The following ACER2 variants were observed in gnomAD, a reference collection of about 807,000 sequenced individuals.
ACER2 encodes the protein alkaline ceramidase 2, also known as alkCDase 2.
A neutral mutation model predicts 34.7 loss-of-function variants in ACER2; 26 were observed. The observed-to-expected ratio is 0.75, with a 90% confidence interval of 0.55 to 1.04. The LOEUF is 1.04. ACER2 is among the 50% of genes least tolerant of loss of function. ACER2 has a pLI of 0.00. For synonymous variants in ACER2, 138 were observed against 132.1 expected (o/e 1.04, Z -0.31); for missense variants, 352 against 340.8 (o/e 1.03, Z -0.26).
Position 19,435,070 on chromosome 9 carries a change from C to G in ACER2, c.489C>G (p.Ile163Met), listed in dbSNP as rs141700425. 3.7e-6 allele frequency: 6 copies of G among 1,614,128 alleles called. No individual in the cohort carries two copies. Among genetic ancestry groups the G allele is most frequent in the East Asian group, 2.2e-5 (1 of 44,882 alleles). Residue 163 changes from isoleucine (I) to methionine (M), a missense_variant, in exon 4 of 6, where the codon ATC becomes ATG. Ile to Met is a conservative substitution (Grantham distance 10). Coordinates refer to ENST00000340967, the MANE Select transcript of ACER2 (RefSeq NM_001010887.3). ...TLGVPCTALL[I>M]AELKRCDNMR... ...GAGTTCCTTGCACTGCACTGCTCAT[C>G]GCAGAGCTAAAGAGGTAGGTGCCAT...
At chr9:19,419,119 A>T (rs936651811) in intron 1 of ACER2, among the ~76,000 whole-genome samples, 7 of 151,938 alleles carry the variant, frequency 4.6e-5, no homozygotes, top group Non-Finnish European at 1.0e-4. Flanking sequence ...TGAACCCAGG[A>T]GGCGGAGGTT....
chr9:19,440,798 T>G (rs1326709996), intron 4 of ACER2, among the ~76,000 whole-genome samples: 1 of 152,194 alleles, frequency 6.6e-6, no homozygotes, highest in East Asian at 1.9e-4. Flanking sequence ...AACCCAGTCC[T>G]TCCTCTTAAC....
rs1262955911 is a variant in ACER2 at position 19,451,020 on chromosome 9, G to A, written c.*384G>A. The stretch of plus-strand genomic sequence containing the variant: ...GACCACCTGGATTCCACTGTACAAG[G>A]GGAAAAGTGTCTATTCCTTTCCCAA... On this transcript the variant is annotated 3_prime_UTR_variant, in exon 6 of 6. Transcript: ENST00000340967. 6.4e-6 allele frequency: 1 copy of A among 157,376 alleles called. No individual in the cohort carries two copies. Among genetic ancestry groups the A allele is most frequent in the Non-Finnish European group, 1.4e-5 (1 of 71,352 alleles). The allele number at this position is 157,376 out of a possible 1,614,324, so 9.7% of individuals were successfully genotyped here.
intron 2 of ACER2, 103 bp downstream of exon 2, chr9:19,424,079 A>G: frequency 9.2e-7 from 1 of 1,088,908 alleles, no homozygotes; most frequent in Non-Finnish European, 1.4e-6. Context: ...TGTTTTGTAA[A>G]CTGAAGTCAC....
intron 4 of ACER2, chr9:19,446,040 G>C: frequency 2.9e-6 from 2 of 684,508 alleles, no homozygotes; most frequent in South Asian, 3.0e-5. Flanking sequence ...CAAAAATGTA[G>C]TTGGGTGTAT....
intron 5 of ACER2, among the ~76,000 whole-genome samples, chr9:19,447,275 A>G (rs1330096979): frequency 6.6e-6 from 1 of 152,234 alleles, no homozygotes; most frequent in African/African-American, 2.4e-5. Context: ...ACTTTGTTAG[A>G]TCTAGATTCA....
In ACER2 at chr9:19,435,061, A is replaced by ACTGCT; in HGVS notation, c.482_486dup (p.Ile163CysfsTer6). The ACTGCT allele has an allele frequency of 6.2e-7, 1 of 1,614,138 alleles. No homozygotes were observed. Among genetic ancestry groups the ACTGCT allele is most frequent in the Non-Finnish European group, 8.5e-7 (1 of 1,180,014 alleles). On this transcript the variant is annotated frameshift_variant, in exon 4 of 6. Transcript: ENST00000340967. LOFTEE classifies it high-confidence loss of function. The stretch of plus-strand genomic sequence containing the variant: ...TGACCCTGGGAGTTCCTTGCACTGC[A>ACTGCT]CTGCTCATCGCAGAGCTAAAGAGGT...
chr9:19,446,368 T>C lies in ACER2; in HGVS notation c.591T>C (p.Ala197=). ...TGTTCTGCTGGATCAGTGACCGAGC[T>C]TTCTGCGAGCTGCTGTCATCCTTCA... is the stretch of plus-strand genomic sequence containing the variant. ...LALFCWISDR[A]FCELLSSFNF... is the part of the protein sequence containing the mutation. The change falls in exon 5 of 6, where the codon GCT becomes GCC. Residue 197 remains alanine, a synonymous_variant. Transcript: ENST00000340967. 6.2e-7 allele frequency: 1 copy of C among 1,614,158 alleles called. No individual in the cohort carries two copies. Among genetic ancestry groups the C allele is most frequent in the Non-Finnish European group, 8.5e-7 (1 of 1,180,034 alleles).
At chr9:19,433,409 G>C (rs1385519421) in intron 3 of ACER2, among the ~76,000 whole-genome samples, 2 of 151,846 alleles carry the variant, frequency 1.3e-5, no homozygotes, top group African/African-American at 4.8e-5. Flanking sequence ...ATCTTGCACC[G>C]CCCTTAATCC....
rs116506066 is a variant in ACER2, at chr9:19,436,567, T to C, written c.503+1483T>C. Among the ~76,000 whole-genome samples, 806 of 152,322 alleles carry C rather than the reference T, an allele frequency of 5.3e-3. 7 individuals carry two copies. The highest frequency in any genetic ancestry group is 0.019 in the African/African-American group (770 of 41,570). On this transcript the variant is annotated intron_variant, in intron 4 of 5. Transcript: ENST00000340967. ...TAAAAAAAAATCTAGCTGTATTTTT[T>C]TTAAATAAAAATTAGCTCATTCTCG...
chr9:19,426,313 T>C (rs1830564881), intron 3 of ACER2, among the ~76,000 whole-genome samples: 1 of 151,040 alleles, frequency 6.6e-6, no homozygotes, highest in Admixed American at 6.6e-5. Flanking sequence ...TTTCTCTTTC[T>C]TTCTTTCTTT....
At chr9:19,432,358 G>A (rs1432926624) in intron 3 of ACER2, among the ~76,000 whole-genome samples, 1 of 152,088 alleles carries the variant, frequency 6.6e-6, no homozygotes, top group Non-Finnish European at 1.5e-5. Context: ...AATGGTCTCT[G>A]TTTTACTTAT....
At chr9:19,410,825 G>A (rs1830066659) in intron 1 of ACER2, among the ~76,000 whole-genome samples, 1 of 152,222 alleles carries the variant, frequency 6.6e-6, no homozygotes, top group African/African-American at 2.4e-5. Flanking sequence ...CAGAGGATGG[G>A]CTGGAGTAGT....
intron 1 of ACER2, among the ~76,000 whole-genome samples, chr9:19,421,707 G>A (rs773646681): frequency 2.6e-5 from 4 of 152,058 alleles, no homozygotes; most frequent in Non-Finnish European, 5.9e-5. Flanking sequence ...TGTACTAAAT[G>A]CCACTGAATT....
At chr9:19,424,593 A>G in intron 2 of ACER2, 107 bp from the exon 3 acceptor site, 2 of 1,523,088 alleles carry the variant, frequency 1.3e-6, no homozygotes, top group South Asian at 1.4e-5. Context: ...AGAGAGAGTG[A>G]TCTGGTGACT....
Position 19,424,710 on chromosome 9 carries a change from C to A in ACER2, c.234C>A (p.Ser78=). Residue 78 remains serine, a synonymous_variant, in exon 3 of 6, where the codon TCC becomes TCA. Transcript: ENST00000340967. ...WTLLVVVGIG[S]VYFHATLSFL... ...TGTAATTGATTCTAGGAATTGGATC[C>A]GTCTACTTCCATGCAACCCTTAGTT... 6.2e-7 allele frequency: 1 copy of A among 1,613,338 alleles called. No homozygotes were observed. The highest frequency in any genetic ancestry group is 8.5e-7 in the Non-Finnish European group (1 of 1,179,926).
At chr9:19,416,993 A>C (rs951394081) in intron 1 of ACER2, among the ~76,000 whole-genome samples, 4 of 152,332 alleles carry the variant, frequency 2.6e-5, no homozygotes, top group Non-Finnish European at 5.9e-5. Context: ...CTCTCAGCCC[A>C]AAAACTCCTT....
At chr9:19,417,833 G>A (rs1830282097) in intron 1 of ACER2, among the ~76,000 whole-genome samples, 1 of 152,056 alleles carries the variant, frequency 6.6e-6, no homozygotes, top group Admixed American at 6.6e-5. Context: ...AAGAGCAATG[G>A]GAACAAAAGC....
At chr9:19,442,705 C>A (rs1009607947) in intron 4 of ACER2, among the ~76,000 whole-genome samples, 2 of 152,246 alleles carry the variant, frequency 1.3e-5, no homozygotes, top group African/African-American at 4.8e-5. Flanking sequence ...CCTCGTGTCC[C>A]AGACTAATTG....
Sources: gnomAD v4.1 joint callset for allele counts (sites outside exome capture counted in the v4.1 genomes callset) on GRCh38, gnomAD v4.1.1 for gene constraint, MANE v1.5 for transcripts, NCBI Gene and HGNC (gene_info 2026-07-23, HGNC 2026-07-21) for gene names.